PID1: variants seen among roughly 807,000 people sequenced by gnomAD.
PID1 encodes the protein phosphotyrosine interaction domain containing 1, also known as PTB-containing, cubilin and LRP1-interacting protein.
Under a neutral mutation model 19.1 loss-of-function variants are expected in PID1, and 10 were observed. The observed-to-expected ratio is 0.52, with a 90% CI of 0.32 to 0.89. The LOEUF is 0.89. PID1 is among the 40% of genes least tolerant of loss of function. The probability of loss-of-function intolerance (pLI) is 0.03; values close to 1 mark genes in which losing one functional copy is unlikely to be tolerated. For missense variants in PID1, 248 were observed against 285.3 expected (o/e 0.87, Z 0.94); for synonymous variants, 130 against 116.0 (o/e 1.12, Z -0.78).
At position 229,187,412 on chromosome 2, in the gene PID1, T is replaced by C. The variant is rs375653771; in HGVS notation, c.31-31448A>G. On this transcript the variant is annotated intron_variant, in intron 1 of 2. Transcript: ENST00000392055. ...TTACAGTTCCACATGGCTGGGGAGGTCTCATAATCATGGCAGAAGGCAAGA... is the reference window on the plus strand; with the variant it reads ...TTACAGTTCCACATGGCTGGGGAGGCCTCATAATCATGGCAGAAGGCAAGA... Among the ~76,000 whole-genome samples the C allele has an allele frequency of 4.5e-4, 68 of 150,996 alleles. No individual in the cohort carries two copies. In the South Asian group the frequency reaches 5.5e-3, roughly 12 times the overall value.
At chr2:229,205,842 TA>T (rs1691598075) in intron 1 of PID1, among the ~76,000 whole-genome samples, 1 of 152,182 alleles carries the variant, frequency 6.6e-6, no homozygotes, top group Admixed American at 6.5e-5. Context: ...CACTTATTCA[TA>T]AACAAATCAT....
At chr2:229,228,100 AAC>A (rs1559294213) in intron 1 of PID1, 1 of 455,044 alleles carries the variant, frequency 2.2e-6, no homozygotes, top group South Asian at 1.6e-5. Flanking sequence ...AATAAAGGTC[AAC>A]ACACCAAATC....
intron 2 of PID1, among the ~76,000 whole-genome samples, chr2:229,056,053 A>T (rs1050956330): frequency 6.6e-6 from 1 of 152,186 alleles, no homozygotes; most frequent in Non-Finnish European, 1.5e-5. Flanking sequence ...TGCAGACTAT[A>T]CATAATCTGG....
chr2:229,256,466 G>C (rs552202813), intron 1 of PID1, among the ~76,000 whole-genome samples: 28 of 152,328 alleles, frequency 1.8e-4, no homozygotes, highest in Admixed American at 2.0e-4. Context: ...ACAATGGAAT[G>C]CTTCTTTACA....
intron 1 of PID1, chr2:229,236,471 G>C (rs879340456): frequency 6.6e-6 from 1 of 152,086 alleles, no homozygotes; most frequent in Non-Finnish European, 1.5e-5. Flanking sequence ...ACCGTTTTCT[G>C]CTGGGAATGA....
chr2:229,190,064 G>C (rs1691223232), intron 1 of PID1, among the ~76,000 whole-genome samples: 1 of 152,128 alleles, frequency 6.6e-6, no homozygotes, highest in Non-Finnish European at 1.5e-5. Context: ...CAGGCTCAGA[G>C]CCCTCAGAAA....
chr2:229,038,085 C>G (rs896423873), intron 2 of PID1, among the ~76,000 whole-genome samples: 1 of 152,196 alleles, frequency 6.6e-6, no homozygotes, highest in Admixed American at 6.5e-5. Context: ...AGGTCACAAA[C>G]ACACAAATCT....
chr2:229,234,700 G>C (rs935916495), intron 1 of PID1, among the ~76,000 whole-genome samples: 1 of 152,198 alleles, frequency 6.6e-6, no homozygotes, highest in African/African-American at 2.4e-5. Context: ...TGAGAATGGG[G>C]GGCCATTTGC....
chr2:229,210,422 C>A (rs1220447995), intron 1 of PID1, among the ~76,000 whole-genome samples: 4 of 47,294 alleles, frequency 8.5e-5, no homozygotes, highest in African/African-American at 2.0e-4. Flanking sequence ...GTGAGGCAGG[C>A]AGCAGAATGG....
intron 1 of PID1, among the ~76,000 whole-genome samples, chr2:229,241,810 C>CT (rs1025460732): frequency 7.9e-5 from 12 of 152,014 alleles, no homozygotes; most frequent in African/African-American, 2.9e-4. Flanking sequence ...CAAAAGTTAC[C>CT]TTTTTTCAAA....
intron 1 of PID1, among the ~76,000 whole-genome samples, chr2:229,161,193 G>C (rs1690486349): frequency 6.6e-6 from 1 of 152,196 alleles, no homozygotes; most frequent in South Asian, 2.1e-4. Flanking sequence ...CAGGGTTGTG[G>C]ACTGGGGTGA....
At chr2:229,032,220 C>T (rs1693569385) in intron 2 of PID1, among the ~76,000 whole-genome samples, 1 of 152,162 alleles carries the variant, frequency 6.6e-6, no homozygotes, top group South Asian at 2.1e-4. Flanking sequence ...TACAGGGACT[C>T]ACTCTAAATA....
intron 2 of PID1, among the ~76,000 whole-genome samples, chr2:229,048,305 C>T (rs1693923348): frequency 6.6e-6 from 1 of 152,094 alleles, no homozygotes; most frequent in Admixed American, 6.6e-5. Flanking sequence ...CCCATTGTTC[C>T]CATCCACATT....
At chr2:229,029,758 T>A (rs60651819) in intron 2 of PID1, among the ~76,000 whole-genome samples, 1 of 150,600 alleles carries the variant, frequency 6.6e-6, no homozygotes, top group East Asian at 2.0e-4. Flanking sequence ...GAGAATCGCT[T>A]GAAACCGGGA....
At chr2:229,038,744 C>T (rs1693711102) in intron 2 of PID1, among the ~76,000 whole-genome samples, 1 of 152,014 alleles carries the variant, frequency 6.6e-6, no homozygotes, top group African/African-American at 2.4e-5. Flanking sequence ...AATGATTAAG[C>T]AACAGTTATG....
chr2:229,167,002 G>GAAGGA (rs923467738), intron 1 of PID1, among the ~76,000 whole-genome samples: 3 of 150,498 alleles, frequency 2.0e-5, no homozygotes, highest in African/African-American at 7.3e-5. Flanking sequence ...AGTGGAAGGG[G>GAAGGA]AAGGAAAGGA....
At chr2:229,031,215 C>CAAAAAAAAAAAAAAAAA (rs3083804) in intron 2 of PID1, among the ~76,000 whole-genome samples, 8 of 68,428 alleles carry the variant, frequency 1.2e-4, no homozygotes, top group Admixed American at 2.0e-4. Context: ...GACTCTGTCT[C>CAAAAAAAAAAAAAAAAA]AAAAAAAAAA....
chr2:229,057,875 T>C (rs1694135923), intron 2 of PID1, among the ~76,000 whole-genome samples: 1 of 152,152 alleles, frequency 6.6e-6, no homozygotes, highest in South Asian at 2.1e-4. Flanking sequence ...AAAAGCCGGA[T>C]AGGAGCAGAA....
intron 2 of PID1, among the ~76,000 whole-genome samples, chr2:229,103,243 G>A (rs1361085778): frequency 6.6e-6 from 1 of 152,150 alleles, no homozygotes; most frequent in Non-Finnish European, 1.5e-5. Context: ...CTGCAGCAAG[G>A]TAGGGTCATG....
Sources: gnomAD v4.1 joint callset for allele counts (sites outside exome capture counted in the v4.1 genomes callset) on GRCh38, gnomAD v4.1.1 for gene constraint, MANE v1.5 for transcripts, NCBI Gene and HGNC (gene_info 2026-07-23, HGNC 2026-07-21) for gene names.